The following AMPD3 variants were observed in gnomAD, a reference collection of about 807,000 sequenced individuals.
AMPD3 encodes the protein AMP deaminase 3.
A neutral mutation model predicts 82.3 loss-of-function variants in AMPD3; 57 were observed. The observed-to-expected ratio is 0.69, with a 90% CI of 0.56 to 0.86. The LOEUF is 0.86. Among genes scored for constraint, AMPD3 ranks in the 40% least tolerant of loss-of-function variants. AMPD3 has a pLI of 0.00. For synonymous variants in AMPD3, 381 were observed against 394.7 expected (o/e 0.97, Z 0.41); for missense variants, 870 against 1,003.8 (o/e 0.87, Z 1.80).
intron 11 of AMPD3, chr11:10,501,212 T>C (rs1241062331): frequency 2.0e-6 from 2 of 984,560 alleles, no homozygotes; most frequent in East Asian, 1.1e-4. Flanking sequence ...TTCAGGAGAG[T>C]GGCTGGAGGG....
At chr11:10,453,456 CAA>C (rs1848010141), upstream of AMPD3, among the ~76,000 whole-genome samples, 1 of 152,194 alleles carries the variant, frequency 6.6e-6, no homozygotes, top group Admixed American at 6.5e-5. Flanking sequence ...TGGTATTTAG[CAA>C]GTGAATCCCC....
At chr11:10,491,423 T>A (rs1209971969) in intron 6 of AMPD3, among the ~76,000 whole-genome samples, 1 of 152,148 alleles carries the variant, frequency 6.6e-6, no homozygotes, top group Non-Finnish European at 1.5e-5. Flanking sequence ...AGAGCCCTCA[T>A]CCTAAGATTA....
chr11:10,451,051 C>T, upstream of AMPD3: 2 of 1,576,894 alleles, frequency 1.3e-6, no homozygotes, highest in Non-Finnish European at 1.7e-6. Flanking sequence ...CCGGTGAGTG[C>T]GCGCGAGGCT....
chr11:10,453,891 T>A (rs1382912218), upstream of AMPD3, among the ~76,000 whole-genome samples: 1 of 152,176 alleles, frequency 6.6e-6, no homozygotes, highest in Non-Finnish European at 1.5e-5. Flanking sequence ...CCGGCCGATA[T>A]CTTTCTTGAT....
intron 6 of AMPD3, chr11:10,488,403 T>C (rs74822526): frequency 4.1e-6 from 4 of 985,302 alleles, no homozygotes; most frequent in African/African-American, 1.7e-5. Flanking sequence ...GGTAGGGGAA[T>C]GGAAGTGGTG....
chr11:10,495,128 CCTCT>C (rs1298241901), intron 8 of AMPD3, 98 bp downstream of exon 8: 13 of 1,609,802 alleles, frequency 8.1e-6, no homozygotes, highest in Non-Finnish European at 1.1e-5. Flanking sequence ...CCTTCCCCTC[CCTCT>C]GTGTACCATC....
At position 10,495,044 on chromosome 11, in the gene AMPD3, C is replaced by T. The variant is rs769406627; in HGVS notation, c.1266+14C>T. ...CGGATGGTCAAGGTGAGTGAACCCT[C>T]AGTCTCTCTGAGGCCTCTCAGGTGC... On this transcript the variant is annotated intron_variant, in intron 8 of 14. Coordinates refer to ENST00000396553, the MANE Select transcript of AMPD3 (RefSeq NM_001025389.2). 1.9e-6 allele frequency: 3 copies of T among 1,614,068 alleles called. No homozygotes were observed. Among genetic ancestry groups the T allele is most frequent in the Middle Eastern group, 1.6e-4 (1 of 6,062 alleles).
intron 6 of AMPD3, among the ~76,000 whole-genome samples, chr11:10,488,581 A>G (rs1432339138): frequency 6.6e-6 from 1 of 152,160 alleles, no homozygotes; most frequent in East Asian, 1.9e-4. Flanking sequence ...GTAAGGCTGC[A>G]GAGATGTGGG....
In AMPD3 at chr11:10,488,106, C is replaced by G. The variant is rs1446383136; in HGVS notation, c.939+742C>G. 5.3e-6 allele frequency: 3 copies of G among 568,476 alleles called. No individual in the cohort carries two copies. In the African/African-American group the frequency reaches 6.1e-5, roughly 12 times the overall value. 35.2% of individuals were successfully genotyped at this position (568,476 alleles called of 1,614,324 possible). On this transcript the variant is annotated intron_variant, in intron 6 of 14. Coordinates refer to ENST00000396553, the MANE Select transcript of AMPD3 (RefSeq NM_001025389.2). ...AGAAAAGCCTCTGATATGCTCAGAT[C>G]TCTGCCTCTCTTCTCCCACCAAGGG... is the stretch of plus-strand genomic sequence containing the variant.
At chr11:10,479,366 T>C (rs1477916858) in intron 3 of AMPD3, among the ~76,000 whole-genome samples, 1 of 152,204 alleles carries the variant, frequency 6.6e-6, no homozygotes, top group Non-Finnish European at 1.5e-5. Context: ...TGGCTCCATC[T>C]CCCTGGCCCC....
chr11:10,479,972 A>G (rs970912500), intron 3 of AMPD3: 11 of 985,310 alleles, frequency 1.1e-5, no homozygotes, highest in African/African-American at 1.7e-5. Flanking sequence ...AACCTGAGGC[A>G]GGTGGGCAGG....
intron 6 of AMPD3, 92 bp downstream of exon 6, chr11:10,487,456 G>T: frequency 6.3e-7 from 1 of 1,577,432 alleles, no homozygotes; most frequent in South Asian, 1.1e-5. Context: ...TGTCCCCTGT[G>T]AGAACTTCAG....
chr11:10,503,979 C>T, intron 13 of AMPD3: 1 of 985,400 alleles, frequency 1.0e-6, no homozygotes, highest in Non-Finnish European at 1.2e-6. Context: ...GATGAATAGA[C>T]ACTTCACATC....
At chr11:10,496,540 C>T in intron 9 of AMPD3, 3 of 985,444 alleles carry the variant, frequency 3.0e-6, no homozygotes, top group Non-Finnish European at 3.6e-6. Flanking sequence ...CTTGGTCAGC[C>T]AGAATGCCAC....
intron 14 of AMPD3, chr11:10,505,005 C>A: frequency 2.0e-6 from 1 of 512,732 alleles, no homozygotes; most frequent in Non-Finnish European, 2.5e-6. Context: ...AGCATGTAAG[C>A]TCTGTGAGGG....
intron 12 of AMPD3, 121 bp from the exon 13 acceptor site, chr11:10,502,600 G>A (rs1177941291): frequency 6.3e-6 from 10 of 1,591,434 alleles, no homozygotes; most frequent in Non-Finnish European, 8.5e-6. Context: ...GAGGACTTGG[G>A]CAGACATGGT....
Position 10,505,709 on chromosome 11 carries a change from A to G in AMPD3, c.2129A>G (p.Glu710Gly). ...SVLQSGLSHQ[E>G]KQKFLGQNYY... The stretch of plus-strand genomic sequence containing the variant: ...ATTTGTATTTCTCTTGGTCCACAGG[A>G]AAAGCAAAAGTTTCTGGGACAAAAT... Residue 710 changes from glutamate to glycine, a missense_variant and splice_region_variant, in exon 15 of 15, where the codon GAA becomes GGA. Coordinates refer to ENST00000396553, the MANE Select transcript of AMPD3 (RefSeq NM_001025389.2). The G allele has an allele frequency of 6.2e-7, 1 of 1,613,614 alleles. No homozygotes were observed. Among genetic ancestry groups the G allele is most frequent in the Non-Finnish European group, 8.5e-7 (1 of 1,180,034 alleles).
chr11:10,496,978 A>G, intron 10 of AMPD3, 40 bp downstream of exon 10: 1 of 1,609,382 alleles, frequency 6.2e-7, no homozygotes, highest in Non-Finnish European at 8.5e-7. Context: ...TCATAGCGGC[A>G]GAGGCAGGAA....
intron 10 of AMPD3, chr11:10,497,863 A>G: frequency 1.0e-6 from 1 of 983,026 alleles, no homozygotes; most frequent in Non-Finnish European, 1.2e-6. Context: ...AAGCCTCACA[A>G]TTACCCCGTT....
Sources: allele counts gnomAD v4.1 joint callset (sites outside exome capture counted in the v4.1 genomes callset), GRCh38; gene constraint gnomAD v4.1.1; transcripts MANE v1.5; gene names NCBI Gene and HGNC (gene_info 2026-07-23, HGNC 2026-07-21).